Variants in PKD1L3 observed in about 807,000 individuals in gnomAD.
PKD1L3 encodes the protein polycystin 1 like 3, transient receptor potential channel interacting.
A neutral mutation model predicts 184.1 loss-of-function variants in PKD1L3; 239 were observed. The ratio of observed to expected loss-of-function variants is 1.30; its 90% confidence interval spans 1.17 to 1.45. The LOEUF is 1.45. PKD1L3 is among the 40% of genes most tolerant of loss of function. PKD1L3 has a pLI of 0.00. For synonymous variants in PKD1L3, 996 were observed against 778.8 expected (o/e 1.28, Z -4.64); for missense variants, 2,660 against 2,067.2 (o/e 1.29, Z -5.56).
Position 71,934,040 on chromosome 16 carries a change from AC to A in PKD1L3, c.4698del (p.Gln1566HisfsTer19), listed in dbSNP as rs1320753092. On this transcript the variant is annotated frameshift_variant, in exon 27 of 30. Transcript: ENST00000620267. LOFTEE classifies it high-confidence loss of function. ...GGGCTATGACGCAGCAGGTTCCATA[AC>A]TGAACAGTTGCCAGGAGAACCGGGA... ...VGFPVLLATV[Q>X]LWNLLRHSPR... 36 of 1,551,726 alleles carry A rather than the reference AC, an allele frequency of 2.3e-5. No homozygotes were observed. The African/African-American group carries it at 4.2e-4, about 18-fold the overall frequency.
chr16:71,964,240 T>C (rs1300763207), intron 15 of PKD1L3, among the ~76,000 whole-genome samples: 1 of 150,714 alleles, frequency 6.6e-6, no homozygotes, highest in East Asian at 2.0e-4. Context: ...CCTCCTTTAC[T>C]GTAATGATGC....
chr16:71,987,856 G>C (rs1024167543), intron 4 of PKD1L3, among the ~76,000 whole-genome samples: 1 of 152,104 alleles, frequency 6.6e-6, no homozygotes, highest in South Asian at 2.1e-4. Context: ...TCTGCCCATA[G>C]GTTAGTGACG....
intron 28 of PKD1L3, chr16:71,930,783 A>C (rs1425117738): frequency 6.6e-6 from 1 of 152,212 alleles, no homozygotes; most frequent in African/African-American, 2.4e-5. Context: ...TGTTGTTTAA[A>C]ATTTAGATGT....
rs76969147 is a variant in PKD1L3, at chr16:71,979,134, A to G, written c.1398+652T>C. The stretch of plus-strand genomic sequence containing the variant: ...ATACTGAGTCAATAATTATTTAGAT[A>G]GTCTCAGCTTTTTGTAAATAGTGCA... On this transcript the variant is annotated intron_variant, in intron 9 of 29. Transcript: ENST00000620267. Among the ~76,000 whole-genome samples the G allele has an allele frequency of 5.3e-3, 806 of 152,322 alleles. 43 individuals are homozygous for G. In the East Asian group the frequency reaches 0.12, roughly 23 times the overall value.
intron 12 of PKD1L3, among the ~76,000 whole-genome samples, chr16:71,972,013 G>A (rs545384030): frequency 2.2e-4 from 34 of 152,108 alleles, no homozygotes; most frequent in Non-Finnish European, 3.5e-4. Flanking sequence ...ACAGGAGATC[G>A]AGACCATCCT....
chr16:71,957,127 A>T (rs2039077912), intron 16 of PKD1L3, among the ~76,000 whole-genome samples: 1 of 152,174 alleles, frequency 6.6e-6, no homozygotes, highest in Admixed American at 6.6e-5. Flanking sequence ...ATAATTTAAA[A>T]ATATATAGTA....
chr16:71,952,691 C>A (rs1367137460), intron 18 of PKD1L3, among the ~76,000 whole-genome samples: 1 of 151,112 alleles, frequency 6.6e-6, no homozygotes, highest in Non-Finnish European at 1.5e-5. Context: ...CAAAAATTAG[C>A]CAGACATGGT....
intron 8 of PKD1L3, 32 bp downstream of exon 8, chr16:71,979,975 T>G (rs1393053815): frequency 6.4e-7 from 1 of 1,550,480 alleles, no homozygotes; most frequent in African/African-American, 1.4e-5. Context: ...AAAAACACAG[T>G]GAAACTCTCC....
chr16:71,984,244 T>C, intron 5 of PKD1L3, 77 bp from the exon 6 acceptor site: 1 of 1,438,026 alleles, frequency 7.0e-7, no homozygotes, highest in Non-Finnish European at 9.4e-7. Flanking sequence ...ATTATTTTCA[T>C]CCAAGTTGAC....
At chr16:71,971,968 G>A (rs1328759224) in intron 12 of PKD1L3, among the ~76,000 whole-genome samples, 1 of 152,110 alleles carries the variant, frequency 6.6e-6, no homozygotes, top group Non-Finnish European at 1.5e-5. Context: ...TGTAATCCCA[G>A]CACTTTGGGA....
In PKD1L3 at chr16:71,990,471, G is replaced by GA. The variant is rs529248633; in HGVS notation, c.536-143_536-142insT. On this transcript the variant is annotated intron_variant, in intron 3 of 29. Coordinates refer to ENST00000620267, the MANE Select transcript of PKD1L3 (RefSeq NM_181536.2). ...ACCAAGGCCGGACATGGTAGCTCAT[G>GA]TCTGTAATCCCAGCACTTTGGGAGG... 4.1e-3 allele frequency: 2,534 copies of GA among 612,014 alleles called. 18 individuals carry two copies. Among genetic ancestry groups the GA allele is most frequent in the Non-Finnish European group, 6.0e-3 (2,208 of 367,054 alleles). 37.9% of individuals were successfully genotyped at this position (612,014 alleles called of 1,614,324 possible).
intron 13 of PKD1L3, among the ~76,000 whole-genome samples, chr16:71,969,374 A>G (rs112165952): frequency 6.6e-6 from 1 of 151,766 alleles, no homozygotes; most frequent in East Asian, 1.9e-4. Context: ...ATGGCACAAT[A>G]GCTCACTGCA....
At position 71,990,457 on chromosome 16, in the gene PKD1L3, A is replaced by G. The variant is rs965468708; in HGVS notation, c.536-128T>C. On this transcript the variant is annotated intron_variant, in intron 3 of 29. Transcript: ENST00000620267. ...GTTTTACATAGAAAACCAAGGCCGGACATGGTAGCTCATGTCTGTAATCCC... is the reference window on the plus strand; with the variant it reads ...GTTTTACATAGAAAACCAAGGCCGGGCATGGTAGCTCATGTCTGTAATCCC... 13 of 690,144 alleles carry G rather than the reference A, an allele frequency of 1.9e-5. No individual in the cohort carries two copies. The African/African-American group carries it at 2.2e-4, about 12-fold the overall frequency. The allele number at this position is 690,144 out of a possible 1,614,324, so 42.8% of individuals were successfully genotyped here.
At position 71,936,525 on chromosome 16, in the gene PKD1L3, T is replaced by C. The variant is rs1483564442; in HGVS notation, c.4452+767A>G. On this transcript the variant is annotated intron_variant, in intron 25 of 29. Transcript: ENST00000620267. Reference sequence around the variant, plus strand: ...GCCAATCACTTTTTTTTTTCTTTTTTTTTTTTTTTTTGAGATGCAGTTTCA... The same window carrying C: ...GCCAATCACTTTTTTTTTTCTTTTTCTTTTTTTTTTTGAGATGCAGTTTCA... 1.2e-4 allele frequency among the ~76,000 whole-genome samples: 17 copies of C among 138,896 alleles called. 1 individual carries two copies. The highest frequency in any genetic ancestry group is 4.2e-4 in the South Asian group (2 of 4,754). 91.1% of individuals were successfully genotyped at this position (138,896 alleles called of 152,430 possible). A position where few individuals can be genotyped will look rare whatever the true frequency, so the allele number is the denominator to read the frequency against.
chr16:71,956,089 C>T (rs2039034689), intron 16 of PKD1L3, among the ~76,000 whole-genome samples: 1 of 151,746 alleles, frequency 6.6e-6, no homozygotes, highest in Non-Finnish European at 1.5e-5. Context: ...AACTCCTGAG[C>T]TCAAGTGATC....
intron 24 of PKD1L3, among the ~76,000 whole-genome samples, chr16:71,939,559 T>C (rs1458882313): frequency 6.6e-6 from 1 of 152,214 alleles, no homozygotes; most frequent in East Asian, 1.9e-4. Context: ...CTGGAACTTT[T>C]CCCATGTTTA....
chr16:71,943,547 A>AAAC (rs1567495924), intron 23 of PKD1L3, among the ~76,000 whole-genome samples: 1 of 151,696 alleles, frequency 6.6e-6, no homozygotes, highest in African/African-American at 2.4e-5. Context: ...CAAAAAAAAA[A>AAAC]AAAAAAAAAA....
chr16:71,963,885 T>C (rs2039388187), intron 15 of PKD1L3, among the ~76,000 whole-genome samples: 1 of 152,136 alleles, frequency 6.6e-6, no homozygotes, highest in Admixed American at 6.6e-5. Context: ...CACCTATGAA[T>C]AGATAAGTAT....
At chr16:71,986,566 A>G (rs1451536818) in intron 4 of PKD1L3, 97 bp from the exon 5 acceptor site, 5 of 1,330,224 alleles carry the variant, frequency 3.8e-6, no homozygotes, top group South Asian at 1.6e-5. Flanking sequence ...ACTCTGTCCT[A>G]TGAGATACTA....
Sources: gnomAD v4.1 joint callset for allele counts (sites outside exome capture counted in the v4.1 genomes callset) on GRCh38, gnomAD v4.1.1 for gene constraint, MANE v1.5 for transcripts, NCBI Gene and HGNC (gene_info 2026-07-23, HGNC 2026-07-21) for gene names.